TAAR2: variants seen among roughly 807,000 people sequenced by gnomAD.
TAAR2 encodes the protein trace amine-associated receptor 2.
TAAR2 carries 30 observed loss-of-function variants against 25.5 expected under a neutral mutation model. The ratio of observed to expected loss-of-function variants is 1.18; its 90% CI spans 0.88 to 1.60. TAAR2 has a LOEUF of 1.60. Ranked by LOEUF, TAAR2 falls within the 40% of genes most tolerant of loss-of-function variation. The pLI, the probability that TAAR2 is intolerant of heterozygous loss-of-function variation, is 0.00. For synonymous variants in TAAR2, 150 were observed against 142.4 expected (o/e 1.05, Z -0.38); for missense variants, 481 against 416.5 (o/e 1.15, Z -1.35).
Position 132,617,952 on chromosome 6 carries a change from A to G in TAAR2, c.254T>C (p.Met85Thr). Residue 85 changes from methionine to threonine, a missense_variant, in exon 2 of 2, where the codon ATG (methionine) becomes ACG (threonine). By Grantham distance (81) the Met-to-Thr change is moderately conservative (BLOSUM62 -1). Transcript: ENST00000367931. ...TCCCAGGAGGAAATCAGTGATGGCC[A>G]TGGAGAGGATGAGGAAGTTGGTTGG... ...HTPTNFLILS[M>T]AITDFLLGFT... The G allele has an allele frequency of 1.2e-6, 2 of 1,614,048 alleles. No individual in the cohort carries two copies. Among genetic ancestry groups the G allele is most frequent in the African/African-American group, 1.3e-5 (1 of 75,074 alleles).
Position 132,617,546 on chromosome 6 carries a change from A to G in TAAR2, c.660T>C (p.Thr220=), listed in dbSNP as rs763667490. 6.2e-7 allele frequency: 1 copy of G among 1,613,998 alleles called. No individual in the cohort carries two copies. Among genetic ancestry groups the G allele is most frequent in the Admixed American group, 1.7e-5 (1 of 60,010 alleles). ...GTTLFMAGFF[T]PGSMMVGIYG... is the part of the protein sequence containing the mutation. ...AAATCCCCACCATCATAGACCCAGG[A>G]GTGAAGAAACCTGCCATAAACAAGG... The change falls in exon 2 of 2, where the codon ACT becomes ACC. Residue 220 remains threonine, a synonymous_variant. Coordinates refer to ENST00000367931, the MANE Select transcript of TAAR2 (RefSeq NM_001033080.1).
intron 1 of TAAR2, among the ~76,000 whole-genome samples, chr6:132,622,318 T>G (rs1245395023): frequency 2.0e-5 from 3 of 151,198 alleles, no homozygotes; most frequent in African/African-American, 2.4e-5. Flanking sequence ...CTATTTTTTC[T>G]AATTATTTAT....
At chr6:132,619,958 A>C (rs1300294678) in intron 1 of TAAR2, among the ~76,000 whole-genome samples, 2 of 152,192 alleles carry the variant, frequency 1.3e-5, no homozygotes, top group East Asian at 3.9e-4. Flanking sequence ...CCCCTAAAAC[A>C]CCGCAGAGAG....
At chr6:132,622,193 C>T (rs1777384303) in intron 1 of TAAR2, among the ~76,000 whole-genome samples, 1 of 151,752 alleles carries the variant, frequency 6.6e-6, no homozygotes, top group South Asian at 2.1e-4. Flanking sequence ...TTTGCCCATT[C>T]TGCTTGTGAA....
intron 1 of TAAR2, among the ~76,000 whole-genome samples, chr6:132,621,860 C>G (rs1169276869): frequency 1.3e-5 from 2 of 151,960 alleles, no homozygotes; most frequent in Non-Finnish European, 2.9e-5. Flanking sequence ...AATTTTAATC[C>G]CATTTAAATA....
At chr6:132,618,512 T>C (rs1777332575) in intron 1 of TAAR2, among the ~76,000 whole-genome samples, 1 of 152,008 alleles carries the variant, frequency 6.6e-6, no homozygotes, top group South Asian at 2.1e-4. Context: ...TGGTGGCATG[T>C]GCCTGTAATC....
intron 1 of TAAR2, among the ~76,000 whole-genome samples, chr6:132,618,808 C>A (rs1254063830): frequency 1.3e-5 from 2 of 152,164 alleles, no homozygotes; most frequent in Non-Finnish European, 2.9e-5. Flanking sequence ...AATACATGTA[C>A]TTCTTCCTCC....
chr6:132,622,627 A>G (rs931920774), intron 1 of TAAR2, among the ~76,000 whole-genome samples: 3 of 151,808 alleles, frequency 2.0e-5, no homozygotes, highest in African/African-American at 7.3e-5. Context: ...CTGGGACTAC[A>G]GGCACGTGCC....
rs780469585 is a variant in TAAR2 at position 132,617,154 on chromosome 6, T to A, written c.1052A>T (p.Glu351Val). The change falls in exon 2 of 2, where the codon GAG becomes GTG. Residue 351 changes from glutamate (E) to valine (V), a missense_variant. Coordinates refer to ENST00000367931, the MANE Select transcript of TAAR2 (RefSeq NM_001033080.1). ...NTILCMQKESE is the reference protein window; with the variant it reads ...NTILCMQKESV ...ATTTATTCATGCAGAAAAAGCCTAC[T>A]CACTTTCTTTTTGCATACACAAAAT... is the stretch of plus-strand genomic sequence containing the variant. The A allele has an allele frequency of 6.0e-5, 94 of 1,575,530 alleles. No individual in the cohort carries two copies. The Middle Eastern group carries it at 2.0e-3, about 34-fold the overall frequency.
At position 132,617,677 on chromosome 6, in the gene TAAR2, C is replaced by A; in HGVS notation, c.529G>T (p.Gly177Trp). The stretch of plus-strand genomic sequence containing the variant: ...GCATAGGCCTCTGAGAAGACCACCC[C>A]GAAGGCAAATGCTCCAGGGACCGAC... ...CWSVPGAFAF[G>W]VVFSEAYADG... Residue 177 changes from glycine to tryptophan, a missense_variant, in exon 2 of 2, where the codon GGG becomes TGG. Gly to Trp is a radical substitution (Grantham distance 184). Transcript: ENST00000367931. The A allele has an allele frequency of 6.2e-7, 1 of 1,613,844 alleles. No individual in the cohort carries two copies. Among genetic ancestry groups the A allele is most frequent in the Non-Finnish European group, 8.5e-7 (1 of 1,179,976 alleles).
chr6:132,621,167 A>AC (rs1391204056), intron 1 of TAAR2, among the ~76,000 whole-genome samples: 1 of 152,036 alleles, frequency 6.6e-6, no homozygotes, highest in Non-Finnish European at 1.5e-5. Flanking sequence ...AAAAAAAAAA[A>AC]AACAACAACA....
chr6:132,623,434 T>C (rs575595377), intron 1 of TAAR2, among the ~76,000 whole-genome samples: 1 of 152,284 alleles, frequency 6.6e-6, no homozygotes, highest in Non-Finnish European at 1.5e-5. Context: ...AAGGAAGACC[T>C]AATGCAACAG....
At chr6:132,618,461 G>A (rs540634875) in intron 1 of TAAR2, among the ~76,000 whole-genome samples, 31 of 152,180 alleles carry the variant, frequency 2.0e-4, no homozygotes, top group Non-Finnish European at 3.8e-4. Flanking sequence ...CCAACATGGT[G>A]AAACCCCATC....
At chr6:132,619,047 T>C (rs1257013423) in intron 1 of TAAR2, among the ~76,000 whole-genome samples, 1 of 152,224 alleles carries the variant, frequency 6.6e-6, no homozygotes, top group East Asian at 1.9e-4. Context: ...TTAACAAGCA[T>C]GGCATCAGCC....
Position 132,617,702 on chromosome 6 carries a change from C to A in TAAR2, c.504G>T (p.Trp168Cys). Residue 168 changes from tryptophan (W) to cysteine (C), a missense_variant, in exon 2 of 2, where the codon TGG (tryptophan) becomes TGT (cysteine). Coordinates refer to ENST00000367931, the MANE Select transcript of TAAR2 (RefSeq NM_001033080.1). Reference sequence around the variant, plus strand: ...CGAAGGCAAATGCTCCAGGGACCGACCAACATAGAAGTAGCAATCTTTTAA... The same window carrying A: ...CGAAGGCAAATGCTCCAGGGACCGAACAACATAGAAGTAGCAATCTTTTAA... ...PVIKRLLLLC[W>C]SVPGAFAFGV... is the part of the protein sequence containing the mutation. 2 of 1,613,820 alleles carry A rather than the reference C, an allele frequency of 1.2e-6. No homozygotes were observed. The highest frequency in any genetic ancestry group is 1.7e-6 in the Non-Finnish European group (2 of 1,179,954).
At chr6:132,622,984 T>G (rs1777394567) in intron 1 of TAAR2, among the ~76,000 whole-genome samples, 1 of 152,200 alleles carries the variant, frequency 6.6e-6, no homozygotes. Flanking sequence ...AGGCTTAGCG[T>G]AATGCCTGAT....
intron 1 of TAAR2, among the ~76,000 whole-genome samples, chr6:132,619,291 A>G (rs908192637): frequency 3.9e-5 from 6 of 152,244 alleles, no homozygotes; most frequent in African/African-American, 9.6e-5. Flanking sequence ...CTCATTTTAC[A>G]TATTAAAATC....
intron 1 of TAAR2, 102 bp downstream of exon 1, chr6:132,624,114 G>A (rs1257305426): frequency 2.7e-6 from 3 of 1,102,698 alleles, no homozygotes; most frequent in Admixed American, 4.0e-5. Flanking sequence ...AGATCTGGAG[G>A]AATTGAGCAT....
At chr6:132,620,701 A>G (rs549663409) in intron 1 of TAAR2, among the ~76,000 whole-genome samples, 1 of 152,238 alleles carries the variant, frequency 6.6e-6, no homozygotes, top group Admixed American at 6.5e-5. Flanking sequence ...AGGGGTGATG[A>G]AATAATCTGT....
Sources: allele counts gnomAD v4.1 joint callset (sites outside exome capture counted in the v4.1 genomes callset), GRCh38; gene constraint gnomAD v4.1.1; transcripts MANE v1.5; gene names NCBI Gene and HGNC (gene_info 2026-07-23, HGNC 2026-07-21).